Variants in SCART1 observed in about 807,000 individuals in gnomAD.
SCART1 encodes scavenger receptor family member expressed on T cells 1.
A neutral mutation model predicts 36.2 loss-of-function variants in SCART1; 62 were observed. The ratio of observed to expected loss-of-function variants is 1.71; its 90% CI spans 1.40 to 2.12. SCART1 has a LOEUF of 2.12. Among genes scored for constraint, SCART1 ranks in the 30% most tolerant of loss-of-function variants. SCART1 has a pLI of 0.00. For missense variants in SCART1, 1,041 were observed against 540.5 expected, an observed-to-expected ratio of 1.93 and a Z score of -9.18; for synonymous variants, 487 against 238.7, an observed-to-expected ratio of 2.04 and a Z score of -9.59.
chr10:133,464,531 T>C, intron 6 of SCART1, 75 bp from the exon 7 acceptor site: 2 of 607,262 alleles, frequency 3.3e-6, no homozygotes, highest in Non-Finnish European at 5.9e-6. Context: ...CCCCTTGAGC[T>C]TAGCCCCCTC....
In SCART1 at chr10:133,456,473, T is replaced by C. The variant is rs986521319; in HGVS notation, c.304T>C (p.Ser102Pro). The change falls in exon 2 of 12, where the codon TCC becomes CCC. Residue 102 changes from serine (S) to proline (P), a missense_variant. Transcript: ENST00000640237. ...CAACGTGTCCTGCCGGGGCAACGAGTCCTCCCTCTGGGAGTGCAGCCTTGG... is the reference window on the plus strand; with the variant it reads ...CAACGTGTCCTGCCGGGGCAACGAGCCCTCCCTCTGGGAGTGCAGCCTTGG... The C allele has an allele frequency of 1.0e-5, 7 of 700,934 alleles. No individual in the cohort carries two copies. In the Admixed American group the frequency reaches 1.4e-4, roughly 14 times the overall value. 43.4% of individuals were successfully genotyped at this position (700,934 alleles called of 1,614,324 possible).
exon 7 of SCART1, chr10:133,464,839 G>T (rs1392482085): frequency 1.4e-6 from 1 of 702,890 alleles, no homozygotes; most frequent in Non-Finnish European, 2.6e-6. Context: ...AGTGCCGCAG[G>T]CTGCCCAACT....
At chr10:133,467,497 G>T in intron 11 of SCART1, 144 bp downstream of exon 11, 1 of 596,276 alleles carries the variant, frequency 1.7e-6, no homozygotes. Flanking sequence ...AAAGGGACTC[G>T]TGGGCAGGGG....
At chr10:133,461,654 C>T (rs1394504705) in intron 6 of SCART1, among the ~76,000 whole-genome samples, 1 of 152,234 alleles carries the variant, frequency 6.6e-6, no homozygotes, top group Non-Finnish European at 1.5e-5. Context: ...TTATTTCGCC[C>T]TCCTCACCTC....
At chr10:133,467,749 A>G in intron 11 of SCART1, 98 bp from the exon 12 acceptor site, 2 of 552,488 alleles carry the variant, frequency 3.6e-6, no homozygotes, top group Non-Finnish European at 6.5e-6. Flanking sequence ...TTTCTGGTTG[A>G]CATGTTTATG....
rs557991431 is a variant in SCART1 at position 133,454,388 on chromosome 10, G to A, written c.67+324G>A. 2.3e-3 allele frequency among the ~76,000 whole-genome samples: 347 copies of A among 152,088 alleles called. 1 individual carries two copies. The highest frequency in any genetic ancestry group is 4.2e-3 in the Non-Finnish European group (283 of 68,024). The stretch of plus-strand genomic sequence containing the variant: ...CAGAGTCCTGAGGGGTCCTGCGGGG[G>A]CTGCTCCATCCACGTGCCCTGGAGC... On this transcript the variant is annotated intron_variant, in intron 1 of 11. Coordinates refer to ENST00000640237, the Ensembl canonical transcript of SCART1.
Position 133,465,232 on chromosome 10 carries a change from A to G in SCART1, c.2345-19A>G. 1.4e-6 allele frequency: 1 copy of G among 699,510 alleles called. No homozygotes were observed. Among genetic ancestry groups the G allele is most frequent in the Non-Finnish European group, 2.6e-6 (1 of 382,388 alleles). The allele number at this position is 699,510 out of a possible 1,614,324, so 43.3% of individuals were successfully genotyped here. On this transcript the variant is annotated intron_variant, in intron 8 of 11. Transcript: ENST00000640237. The stretch of plus-strand genomic sequence containing the variant: ...CCATCCCGGTCCAGCCCCCGCAGTG[A>G]CCGCAGCCCCTTTTGCAGAGGAGGG...
exon 9 of SCART1, chr10:133,465,441 C>G: frequency 1.8e-6 from 1 of 545,478 alleles, no homozygotes. Context: ...GCCCTGGCTC[C>G]GGGCCCGTGT....
exon 3 of SCART1, chr10:133,457,452 G>A (rs1371922243): frequency 2.1e-5 from 15 of 702,458 alleles, no homozygotes; most frequent in East Asian, 8.0e-5. Flanking sequence ...CCGCCGGGAC[G>A]TGGGCGTCGT....
chr10:133,468,036 G>T (rs2133561134), exon 12 of SCART1: 2 of 623,782 alleles, frequency 3.2e-6, no homozygotes, highest in Non-Finnish European at 5.9e-6. Context: ...TTGTACAATT[G>T]TAGTGGATTT....
chr10:133,454,779 C>T (rs1198293987), intron 1 of SCART1, among the ~76,000 whole-genome samples: 2 of 152,078 alleles, frequency 1.3e-5, no homozygotes, highest in African/African-American at 4.8e-5. Flanking sequence ...GCCACATCCC[C>T]AGCGGTGGGG....
chr10:133,460,009 T>G, exon 6 of SCART1: 1 of 529,912 alleles, frequency 1.9e-6, no homozygotes, highest in South Asian at 2.6e-5. Context: ...GGCCGCGCCC[T>G]GAGCGCCCTG....
At chr10:133,458,325 A>G (rs1850645308) in intron 3 of SCART1, 35 bp from the exon 4 acceptor site, 1 of 702,234 alleles carries the variant, frequency 1.4e-6, no homozygotes, top group African/African-American at 1.7e-5. Flanking sequence ...ACCTGAGAAC[A>G]CCTGTCTCCT....
exon 7 of SCART1, chr10:133,464,809 C>T (rs571055939): frequency 7.8e-5 from 55 of 702,708 alleles, no homozygotes; most frequent in South Asian, 1.8e-4. Context: ...GCACCGGGAC[C>T]GCCTGGGTGG....
intron 2 of SCART1, 159 bp from the exon 3 acceptor site, chr10:133,457,120 G>A (rs945783181): frequency 5.0e-6 from 3 of 605,712 alleles, no homozygotes; most frequent in African/African-American, 3.7e-5. Context: ...GGGCACAGGG[G>A]TCTCTCTGAG....
exon 1 of SCART1, chr10:133,454,062 T>C (rs778274600): frequency 1.3e-5 from 9 of 702,688 alleles, no homozygotes; most frequent in Non-Finnish European, 2.1e-5. Flanking sequence ...GCAGTCCCCA[T>C]TGGTAAGTTT....
exon 6 of SCART1, chr10:133,459,571 G>C: frequency 1.5e-6 from 1 of 679,100 alleles, no homozygotes; most frequent in Non-Finnish European, 2.7e-6. Flanking sequence ...GTGTGGGGCC[G>C]CGTCCTGGAC....
intron 2 of SCART1, chr10:133,456,997 C>T: frequency 1.9e-6 from 1 of 539,200 alleles, no homozygotes; most frequent in Admixed American, 3.6e-5. Context: ...CTCATAGCGT[C>T]CTGCCTCTGA....
chr10:133,465,163 T>G (rs1022644909), exon 8 of SCART1: 6 of 703,030 alleles, frequency 8.5e-6, no homozygotes, highest in Non-Finnish European at 1.6e-5. Flanking sequence ...TCCTCCTGGC[T>G]CGGCTGCCCA....
Sources: gnomAD v4.1 joint callset for allele counts (sites outside exome capture counted in the v4.1 genomes callset) on GRCh38, gnomAD v4.1.1 for gene constraint, MANE v1.5 for transcripts, NCBI Gene and HGNC (gene_info 2026-07-23, HGNC 2026-07-21) for gene names.